Variants in SLC22A3 observed in about 807,000 individuals in gnomAD.
The protein encoded by SLC22A3 is EMT organic cation transporter 3.
SLC22A3 carries 51 observed loss-of-function variants against 59.1 expected under a neutral mutation model. The observed-to-expected ratio is 0.86, with a 90% CI of 0.69 to 1.09. SLC22A3 has a LOEUF of 1.09. SLC22A3 is among the 50% of genes least tolerant of loss of function. The pLI is 0.00. For missense variants in SLC22A3, 711 were observed against 726.3 expected (o/e 0.98, Z 0.24); for synonymous variants, 325 against 292.0 (o/e 1.11, Z -1.15).
At chr6:160,391,072 T>C (rs1187397099) in intron 1 of SLC22A3, among the ~76,000 whole-genome samples, 1 of 152,164 alleles carries the variant, frequency 6.6e-6, no homozygotes, top group Non-Finnish European at 1.5e-5. Flanking sequence ...ATACCTGTCA[T>C]TGGACTAGGG....
chr6:160,352,202 TG>T (rs1266009955), intron 1 of SLC22A3, among the ~76,000 whole-genome samples: 1 of 152,214 alleles, frequency 6.6e-6, no homozygotes, highest in Non-Finnish European at 1.5e-5. Flanking sequence ...TCTTACAACT[TG>T]AGATAGTTCT....
intron 10 of SLC22A3, among the ~76,000 whole-genome samples, chr6:160,450,170 G>A (rs1276509908): frequency 6.6e-6 from 1 of 152,174 alleles, no homozygotes; most frequent in Non-Finnish European, 1.5e-5. Context: ...GGAGGCCAGG[G>A]TGTATTTCAG....
chr6:160,397,055 A>G (rs961328620), intron 1 of SLC22A3, among the ~76,000 whole-genome samples: 2 of 152,154 alleles, frequency 1.3e-5, no homozygotes, highest in African/African-American at 2.4e-5. Context: ...ATAGCATATA[A>G]TATTCATACT....
In SLC22A3 at chr6:160,378,850, C is replaced by T. The variant is rs533704723; in HGVS notation, c.430-19129C>T. Among the ~76,000 whole-genome samples, 3 of 152,240 alleles carry T rather than the reference C, an allele frequency of 2.0e-5. No individual in the cohort carries two copies. In the South Asian group the frequency reaches 6.2e-4, roughly 32 times the overall value. On this transcript the variant is annotated intron_variant, in intron 1 of 10. Coordinates refer to ENST00000275300, the MANE Select transcript of SLC22A3 (RefSeq NM_021977.4). Reference sequence around the variant, plus strand: ...TTATTGGATATAGTATCAGTTGTTTCCCCTTGTGATCGCATCACTGACTGG... The same window carrying T: ...TTATTGGATATAGTATCAGTTGTTTTCCCTTGTGATCGCATCACTGACTGG...
intron 5 of SLC22A3, among the ~76,000 whole-genome samples, chr6:160,434,290 T>G (rs1214420010): frequency 1.3e-5 from 2 of 152,266 alleles, no homozygotes; most frequent in African/African-American, 4.8e-5. Context: ...GTGTCTTTCT[T>G]TAAAAATATT....
At chr6:160,424,079 A>G (rs1257782634) in intron 5 of SLC22A3, among the ~76,000 whole-genome samples, 3 of 152,192 alleles carry the variant, frequency 2.0e-5, no homozygotes, top group Admixed American at 1.3e-4. Flanking sequence ...GTAAGCAGAC[A>G]GGGAATCCTG....
intron 1 of SLC22A3, among the ~76,000 whole-genome samples, chr6:160,371,160 A>G (rs940126914): frequency 3.9e-5 from 6 of 152,198 alleles, no homozygotes; most frequent in Non-Finnish European, 8.8e-5. Context: ...CCTCCCACCC[A>G]GGAGCAGGCT....
At chr6:160,354,747 C>T (rs1417984918) in intron 1 of SLC22A3, among the ~76,000 whole-genome samples, 2 of 152,098 alleles carry the variant, frequency 1.3e-5, no homozygotes, top group African/African-American at 4.8e-5. Flanking sequence ...TGCTGTATTC[C>T]AGCCTGGGTG....
At chr6:160,437,756 G>A (rs1788399668) in intron 7 of SLC22A3, among the ~76,000 whole-genome samples, 1 of 152,196 alleles carries the variant, frequency 6.6e-6, no homozygotes. Context: ...GATCAATCCA[G>A]AAGGGGATTC....
intron 1 of SLC22A3, among the ~76,000 whole-genome samples, chr6:160,364,997 TAC>T (rs1035939321): frequency 2.0e-5 from 3 of 152,308 alleles, no homozygotes; most frequent in South Asian, 4.1e-4. Context: ...TGTAAAAAAA[TAC>T]ACTTACATAG....
At chr6:160,373,899 G>T (rs1189775914) in intron 1 of SLC22A3, among the ~76,000 whole-genome samples, 1 of 152,202 alleles carries the variant, frequency 6.6e-6, no homozygotes, top group Non-Finnish European at 1.5e-5. Flanking sequence ...AGACTGCTGT[G>T]CCGGCAGCAA....
chr6:160,451,134 C>G lies in SLC22A3; in HGVS notation c.*78C>G. ...CAAAGCTGTGCCTTGCAGAGATGCA[C>G]GTGTGCATTTCAGCTACATCATGCC... On this transcript the variant is annotated 3_prime_UTR_variant, in exon 11 of 11. Coordinates refer to ENST00000275300, the MANE Select transcript of SLC22A3 (RefSeq NM_021977.4). The G allele has an allele frequency of 7.5e-7, 1 of 1,334,994 alleles. No homozygotes were observed. The highest frequency in any genetic ancestry group is 1.1e-6 in the Non-Finnish European group (1 of 946,218). The allele number at this position is 1,334,994 out of a possible 1,614,324, so 82.7% of individuals were successfully genotyped here. A position where few individuals can be genotyped will look rare whatever the true frequency, so the allele number is the denominator to read the frequency against.
intron 5 of SLC22A3, among the ~76,000 whole-genome samples, chr6:160,427,392 C>T (rs1788003902): frequency 6.6e-6 from 1 of 152,178 alleles, no homozygotes; most frequent in Non-Finnish European, 1.5e-5. Context: ...TGTCCTTGAC[C>T]TGTGCAGAAA....
Position 160,436,823 on chromosome 6 carries a change from ATC to A in SLC22A3, c.1021_1022del (p.Leu341GlyfsTer61), listed in dbSNP as rs1160147094. The A allele has an allele frequency of 3.1e-6, 5 of 1,613,684 alleles. No individual in the cohort carries two copies. The highest frequency in any genetic ancestry group is 3.4e-6 in the Non-Finnish European group (4 of 1,179,818). On this transcript the variant is annotated frameshift_variant, in exon 6 of 11. Transcript: ENST00000275300. LOFTEE classifies it high-confidence loss of function. ...GAAGTTAGTAATCCATCCTTTTTAG[ATC>A]TGGTGAGAACTCCCCAAATGAGGAA...
chr6:160,407,307 C>G, intron 3 of SLC22A3, 112 bp downstream of exon 3: 4 of 1,096,402 alleles, frequency 3.6e-6, no homozygotes, highest in Non-Finnish European at 5.2e-6. Flanking sequence ...AAGGAGGTTT[C>G]ACTGCAGCTA....
chr6:160,375,027 G>A (rs916835999), intron 1 of SLC22A3, among the ~76,000 whole-genome samples: 5 of 152,130 alleles, frequency 3.3e-5, no homozygotes, highest in South Asian at 2.1e-4. Context: ...AACCACTTCC[G>A]TCCTAATGGG....
chr6:160,416,455 AAGG>A (rs1469293877), intron 5 of SLC22A3, among the ~76,000 whole-genome samples: 1 of 145,564 alleles, frequency 6.9e-6, no homozygotes, highest in Non-Finnish European at 1.6e-5. Flanking sequence ...GATAACTTTT[AAGG>A]CTTACTTAAA....
chr6:160,408,948 T>A, intron 4 of SLC22A3, 27 bp downstream of exon 4: 1 of 1,598,226 alleles, frequency 6.3e-7, no homozygotes, highest in Non-Finnish European at 8.6e-7. Context: ...TATCATCATA[T>A]TTATACTGAT....
chr6:160,364,397 A>T (rs770544229), intron 1 of SLC22A3, among the ~76,000 whole-genome samples: 1 of 152,246 alleles, frequency 6.6e-6, no homozygotes, highest in African/African-American at 2.4e-5. Context: ...AGCAGCCTTC[A>T]TGGTGGCACC....
Sources: allele counts gnomAD v4.1 joint callset (sites outside exome capture counted in the v4.1 genomes callset), GRCh38; gene constraint gnomAD v4.1.1; transcripts MANE v1.5; gene names NCBI Gene and HGNC (gene_info 2026-07-23, HGNC 2026-07-21).